The following MRPS18A variants were observed in gnomAD, a reference collection of about 807,000 sequenced individuals.
The protein encoded by MRPS18A is large ribosomal subunit protein mL66.
A neutral mutation model predicts 22.7 loss-of-function variants in MRPS18A; 20 were observed. The observed-to-expected ratio is 0.88, with a 90% confidence interval of 0.62 to 1.28. The LOEUF is 1.28. Among genes scored for constraint, MRPS18A ranks in the 50% most tolerant of loss-of-function variants. The pLI is 0.00. For synonymous variants in MRPS18A, 106 were observed against 99.1 expected, an observed-to-expected ratio of 1.07 and a Z score of -0.41; for missense variants, 294 against 262.6, an observed-to-expected ratio of 1.12 and a Z score of -0.83.
intron 1 of MRPS18A, among the ~76,000 whole-genome samples, chr6:43,682,331 G>C (rs565015388): frequency 6.6e-6 from 1 of 152,178 alleles, no homozygotes; most frequent in South Asian, 2.1e-4. Flanking sequence ...AAAAAGAGAA[G>C]GGACCATCTA....
chr6:43,686,184 C>T (rs1010681393), intron 1 of MRPS18A, among the ~76,000 whole-genome samples: 1 of 152,202 alleles, frequency 6.6e-6, no homozygotes, highest in Non-Finnish European at 1.5e-5. Context: ...CAAAACGATT[C>T]CTCTTGCCTT....
chr6:43,674,053 G>C (rs982773711), intron 5 of MRPS18A, among the ~76,000 whole-genome samples: 1 of 152,216 alleles, frequency 6.6e-6, no homozygotes, highest in Non-Finnish European at 1.5e-5. Context: ...AGCATGTCCT[G>C]CTCCCCAAGA....
At position 43,687,739 on chromosome 6, in the gene MRPS18A, A is replaced by G; in HGVS notation, c.41T>C (p.Leu14Pro). ...CGGGCCCGCTAGTAGCCCACGGAGA[A>G]GCCGCCCACAGCCGGACACCAGAGC... ...LKALVSGCGR[L>P]LRGLLAGPAA... The change falls in exon 1 of 6, where the codon CTT becomes CCT. Residue 14 changes from leucine (L) to proline (P), a missense_variant. Coordinates refer to ENST00000372133, the MANE Select transcript of MRPS18A (RefSeq NM_018135.4). 1 of 1,585,742 alleles carries G rather than the reference A, an allele frequency of 6.3e-7. No homozygotes were observed. Among genetic ancestry groups the G allele is most frequent in the Non-Finnish European group, 8.6e-7 (1 of 1,166,044 alleles).
chr6:43,672,024 G>C, intron 5 of MRPS18A, 118 bp from the exon 6 acceptor site: 1 of 1,222,064 alleles, frequency 8.2e-7, no homozygotes, highest in African/African-American at 1.5e-5. Flanking sequence ...CCTTTCACCA[G>C]TTTCCCTTTC....
chr6:43,683,223 G>A (rs1372514392), intron 1 of MRPS18A, among the ~76,000 whole-genome samples: 4 of 152,146 alleles, frequency 2.6e-5, no homozygotes, highest in African/African-American at 4.8e-5. Context: ...GTGAGCCAGC[G>A]AATCATCTTA....
At chr6:43,682,040 G>A (rs149858779) in intron 1 of MRPS18A, among the ~76,000 whole-genome samples, 205 of 152,324 alleles carry the variant, frequency 1.3e-3, no homozygotes, top group African/African-American at 4.5e-3. Flanking sequence ...AGTGGCTCAC[G>A]CCTGTAATCC....
In MRPS18A at chr6:43,671,841, C is replaced by A. The variant is rs201544547; in HGVS notation, c.512G>T (p.Arg171Met). Residue 171 changes from arginine to methionine, a missense_variant, in exon 6 of 6, where the codon AGG becomes ATG. Transcript: ENST00000372133. ...GGGTGACCCCACGGGCATGCGCACC[C>A]TGTTCCAGCGGGGGCCTTTTTTGTA... ...PIYKKGPRWN[R>M]VRMPVGSPLL... The A allele has an allele frequency of 6.2e-7, 1 of 1,614,168 alleles. No homozygotes were observed. Among genetic ancestry groups the A allele is most frequent in the East Asian group, 2.2e-5 (1 of 44,884 alleles).
chr6:43,680,037 G>A (rs1175758184), intron 2 of MRPS18A, among the ~76,000 whole-genome samples: 3 of 152,194 alleles, frequency 2.0e-5, no homozygotes, highest in African/African-American at 7.2e-5. Context: ...CTAAAGGCAT[G>A]GATGGGCTCT....
chr6:43,676,169 A>G (rs1774044499), intron 3 of MRPS18A, among the ~76,000 whole-genome samples: 1 of 152,108 alleles, frequency 6.6e-6, no homozygotes, highest in Admixed American at 6.5e-5. Context: ...TCATCTTCTG[A>G]TAGACTAGGT....
At chr6:43,687,637 T>C in intron 1 of MRPS18A, 31 bp downstream of exon 1, 1 of 1,328,482 alleles carries the variant, frequency 7.5e-7, no homozygotes, top group Non-Finnish European at 1.0e-6. Flanking sequence ...CTCTTCTTAA[T>C]TTCAGGAGGT....
chr6:43,675,392 G>C lies in MRPS18A; in HGVS notation c.376+102C>G, dbSNP rs751950108. ...GGGTGGTGAGTATAATTAACACTCC[G>C]GATATCCACTTTTCTTCCAGGAGGG... is the stretch of plus-strand genomic sequence containing the variant. On this transcript the variant is annotated intron_variant, in intron 4 of 5. Transcript: ENST00000372133. The C allele has an allele frequency of 2.5e-6, 4 of 1,601,262 alleles. No individual in the cohort carries two copies. The South Asian group carries it at 3.3e-5, about 13-fold the overall frequency.
intron 5 of MRPS18A, chr6:43,672,306 T>C (rs1467349277): frequency 2.2e-6 from 1 of 458,364 alleles, no homozygotes; most frequent in Non-Finnish European, 4.6e-6. Flanking sequence ...TCTTCCCCAT[T>C]TGGCTCACTC....
At chr6:43,676,731 C>A (rs368189059) in intron 3 of MRPS18A, among the ~76,000 whole-genome samples, 12 of 152,400 alleles carry the variant, frequency 7.9e-5, no homozygotes, top group African/African-American at 2.6e-4. Flanking sequence ...CTGCAAGGGC[C>A]TGGCATGCCA....
intron 5 of MRPS18A, 136 bp from the exon 6 acceptor site, chr6:43,672,042 G>A: frequency 9.3e-7 from 1 of 1,079,106 alleles, no homozygotes; most frequent in Non-Finnish European, 1.3e-6. Flanking sequence ...TTCCTGAAGT[G>A]CAGGGATTTT....
At chr6:43,675,390 C>G in intron 4 of MRPS18A, 104 bp downstream of exon 4, 2 of 1,603,302 alleles carry the variant, frequency 1.2e-6, no homozygotes, top group Non-Finnish European at 1.7e-6. Flanking sequence ...AATTAACACT[C>G]CGGATATCCA....
chr6:43,686,951 G>C (rs1034663492), intron 1 of MRPS18A, among the ~76,000 whole-genome samples: 1 of 152,130 alleles, frequency 6.6e-6, no homozygotes, highest in Non-Finnish European at 1.5e-5. Context: ...AGGCTAACTT[G>C]CATTTATTGG....
At chr6:43,683,559 G>A (rs1014102112) in intron 1 of MRPS18A, among the ~76,000 whole-genome samples, 6 of 152,228 alleles carry the variant, frequency 3.9e-5, no homozygotes, top group African/African-American at 1.2e-4. Flanking sequence ...AAGCTGGACT[G>A]AGAGATTTAG....
chr6:43,683,340 G>A (rs534269341), intron 1 of MRPS18A, among the ~76,000 whole-genome samples: 1 of 152,304 alleles, frequency 6.6e-6, no homozygotes, highest in African/African-American at 2.4e-5. Flanking sequence ...CACTGATCAG[G>A]GTGGTGTCTT....
rs528290524 is a variant in MRPS18A, at chr6:43,675,203, G to C, written c.445C>G (p.Arg149Gly). Residue 149 changes from arginine to glycine, a missense_variant and splice_region_variant, in exon 5 of 6, where the codon CGG becomes GGG. Transcript: ENST00000372133. ...TTGTTCACACCCAGGCTTGCTTACCGGTTGAGTTGGGGTTTGCTCTTCGGA... is the reference window on the plus strand; with the variant it reads ...TTGTTCACACCCAGGCTTGCTTACCCGTTGAGTTGGGGTTTGCTCTTCGGA... ...VVPKSKPQLN[R>G]YLTRWAPGSV... The C allele has an allele frequency of 2.6e-6, 4 of 1,513,544 alleles. No homozygotes were observed. The allele number at this position is 1,513,544 out of a possible 1,614,324, so 93.8% of individuals were successfully genotyped here.
Sources: gnomAD v4.1 joint callset for allele counts (sites outside exome capture counted in the v4.1 genomes callset) on GRCh38, gnomAD v4.1.1 for gene constraint, MANE v1.5 for transcripts, NCBI Gene and HGNC (gene_info 2026-07-23, HGNC 2026-07-21) for gene names.